The following TRIM50 variants were observed in gnomAD, a reference collection of about 807,000 sequenced individuals.
TRIM50 encodes the protein E3 ubiquitin-protein ligase TRIM50.
Under a neutral mutation model 44.9 loss-of-function variants are expected in TRIM50, and 34 were observed. The ratio of observed to expected loss-of-function variants is 0.76; its 90% CI spans 0.58 to 1.01. The LOEUF is 1.01. Among genes scored for constraint, TRIM50 ranks in the 50% least tolerant of loss-of-function variants. The pLI is 0.00. For synonymous variants in TRIM50, 307 were observed against 291.1 expected (o/e 1.05, Z -0.56); for missense variants, 633 against 663.7 (o/e 0.95, Z 0.51).
At chr7:73,318,157 C>T (rs1431612996) in intron 5 of TRIM50, among the ~76,000 whole-genome samples, 4 of 152,140 alleles carry the variant, frequency 2.6e-5, no homozygotes, top group African/African-American at 4.8e-5. Flanking sequence ...GACAGGGTCT[C>T]GCTCCGTCAC....
At chr7:73,321,563 A>G (rs1178004787) in intron 2 of TRIM50, among the ~76,000 whole-genome samples, 2 of 152,056 alleles carry the variant, frequency 1.3e-5, no homozygotes, top group Non-Finnish European at 2.9e-5. Flanking sequence ...ACATAAATGC[A>G]CTTCTCCTGG....
intron 5 of TRIM50, 116 bp from the exon 6 acceptor site, chr7:73,316,805 C>T: frequency 7.1e-7 from 1 of 1,416,210 alleles, no homozygotes; most frequent in Non-Finnish European, 9.5e-7. Flanking sequence ...AGTCACAATG[C>T]CCATCAATGC....
intron 2 of TRIM50, chr7:73,321,912 G>A (rs1563302960): frequency 6.6e-6 from 1 of 152,192 alleles, no homozygotes; most frequent in Non-Finnish European, 1.5e-5. Context: ...GAGGAACTAA[G>A]TTATGCAAAT....
Position 73,313,670 on chromosome 7 carries a change from C to CTGAATGAA in TRIM50, c.875-168_875-161dup, listed in dbSNP as rs3040866. Among the ~76,000 whole-genome samples, 2,999 of 149,018 alleles carry CTGAATGAA rather than the reference C, an allele frequency of 0.02. 39 individuals are homozygous for CTGAATGAA. Among genetic ancestry groups the CTGAATGAA allele is most frequent in the Admixed American group, 0.042 (629 of 14,948 alleles). The stretch of plus-strand genomic sequence containing the variant: ...GAAGGGGCCAGTACAGGGCTGCTCC[C>CTGAATGAA]TGAATGAATGAATGAATGAATGAAT... On this transcript the variant is annotated intron_variant, in intron 6 of 6. Coordinates refer to ENST00000333149, the MANE Select transcript of TRIM50 (RefSeq NM_178125.3). This position sits in a 1 kb window ranked among gnomAD's most constrained non-coding sequence, Gnocchi z 4.9.
At position 73,313,987 on chromosome 7, in the gene TRIM50, C is replaced by T. The variant is rs1804299059; in HGVS notation, c.875-477G>A. 2 of 239,452 alleles carry T rather than the reference C, an allele frequency of 8.4e-6. No homozygotes were observed. Among genetic ancestry groups the T allele is most frequent in the Admixed American group, 5.2e-5 (1 of 19,062 alleles). The allele number at this position is 239,452 out of a possible 1,614,324, so 14.8% of individuals were successfully genotyped here. On this transcript the variant is annotated intron_variant, in intron 6 of 6. Transcript: ENST00000333149. This position sits in a 1 kb window ranked among gnomAD's most constrained non-coding sequence, Gnocchi z 4.9. ...CTGTTGGATTTGCTAGCCTAGTCAG[C>T]CTATTCAAGGACGAACTAGCCCACC...
At chr7:73,320,088 T>G in intron 3 of TRIM50, 59 bp downstream of exon 3, 2 of 1,613,226 alleles carry the variant, frequency 1.2e-6, no homozygotes, top group Non-Finnish European at 1.7e-6. Flanking sequence ...GAGAACTGAG[T>G]TCTACAGGAA....
At chr7:73,327,429 G>A (rs9791481) in intron 1 of TRIM50, among the ~76,000 whole-genome samples, 12 of 152,192 alleles carry the variant, frequency 7.9e-5, no homozygotes, top group Non-Finnish European at 7.4e-5. Flanking sequence ...GGCGGCTGCA[G>A]TGAGCTGAGA....
chr7:73,318,067 T>C (rs1389608095), intron 5 of TRIM50, among the ~76,000 whole-genome samples: 2 of 152,164 alleles, frequency 1.3e-5, no homozygotes, highest in Non-Finnish European at 2.9e-5. Context: ...CCTGGGTCCT[T>C]CTCAGCCATC....
At position 73,313,708 on chromosome 7, in the gene TRIM50, GAAGT is replaced by G. The variant is rs1286103132; in HGVS notation, c.875-202_875-199del. 6.6e-6 allele frequency among the ~76,000 whole-genome samples: 1 copy of G among 151,708 alleles called. No homozygotes were observed. Among genetic ancestry groups the G allele is most frequent in the Non-Finnish European group, 1.5e-5 (1 of 67,972 alleles). The stretch of plus-strand genomic sequence containing the variant: ...TGAATGAATGAATGAATGAATGAAT[GAAGT>G]TTTACATAAGGAAGATCAATCACAG... On this transcript the variant is annotated intron_variant, in intron 6 of 6. Coordinates refer to ENST00000333149, the MANE Select transcript of TRIM50 (RefSeq NM_178125.3). The surrounding 1 kb of genome is among the most constrained non-coding windows in gnomAD (Gnocchi z 4.9).
chr7:73,314,222 G>T, intron 6 of TRIM50: 2 of 344,138 alleles, frequency 5.8e-6, no homozygotes, highest in Non-Finnish European at 5.4e-6. Flanking sequence ...TAAGACTTTT[G>T]GCACTGGACA....
In TRIM50 at chr7:73,318,698, G is replaced by A. The variant is rs1454458477; in HGVS notation, c.738C>T (p.Ser246=). 2 of 1,613,858 alleles carry A rather than the reference G, an allele frequency of 1.2e-6. No homozygotes were observed. Among genetic ancestry groups the A allele is most frequent in the Admixed American group, 1.7e-5 (1 of 60,002 alleles). ...TCCAAGGTTATTACCTGGAGGCCAT[G>A]GAGTGGAACTTCTGGAAGGCAAGAG... ...DHHKFIRKFH[S]MASRAEMPQA... The change falls in exon 5 of 7, where the codon TCC becomes TCT. Residue 246 remains serine, a synonymous_variant. Transcript: ENST00000333149.
intron 2 of TRIM50, among the ~76,000 whole-genome samples, chr7:73,322,204 C>T (rs1804512467): frequency 6.6e-6 from 1 of 152,134 alleles, no homozygotes; most frequent in African/African-American, 2.4e-5. Context: ...AAAAAATTAG[C>T]CGGGCATGGT....
At chr7:73,317,329 C>T (rs1417860345) in intron 5 of TRIM50, among the ~76,000 whole-genome samples, 3 of 147,544 alleles carry the variant, frequency 2.0e-5, no homozygotes, top group Non-Finnish European at 4.5e-5. Flanking sequence ...GCTGGGATTA[C>T]AGCTATGAGC....
intron 6 of TRIM50, chr7:73,314,124 G>T: frequency 3.1e-6 from 1 of 324,390 alleles, no homozygotes. Flanking sequence ...AAGGAAAGAA[G>T]GCCAAGGGGA....
intron 6 of TRIM50, chr7:73,314,559 C>T (rs144784965): frequency 3.2e-6 from 1 of 310,998 alleles, no homozygotes; most frequent in Admixed American, 4.3e-5. Flanking sequence ...AACAAGAACG[C>T]TCAGCTGGGC....
chr7:73,324,032 G>C (rs148996099), intron 2 of TRIM50, among the ~76,000 whole-genome samples: 11 of 151,672 alleles, frequency 7.3e-5, no homozygotes, highest in Non-Finnish European at 8.8e-5. Context: ...AGAGTGAGAC[G>C]CTGTCTCCAA....
chr7:73,316,732 T>C (rs1554544163), intron 5 of TRIM50, 43 bp from the exon 6 acceptor site: 10 of 1,601,274 alleles, frequency 6.2e-6, no homozygotes, highest in Non-Finnish European at 8.5e-6. Flanking sequence ...AGGTATCACG[T>C]GGCCCACCCC....
Position 73,313,095 on chromosome 7 carries a change from G to A in TRIM50, c.1290C>T (p.Ala430=), listed in dbSNP as rs1390539343. 2.5e-6 allele frequency: 4 copies of A among 1,592,800 alleles called. No individual in the cohort carries two copies. The highest frequency in any genetic ancestry group is 2.3e-5 in the East Asian group (1 of 43,902). ...GCGGCCGCAGGTCATCGGGGCGGTCGGCATCGAAGAAGGTGAGTTCGCCCT... is the reference window on the plus strand; with the variant it reads ...GCGGCCGCAGGTCATCGGGGCGGTCAGCATCGAAGAAGGTGAGTTCGCCCT... ...YEQGELTFFD[A]DRPDDLRPLY... is the part of the protein sequence containing the mutation. The change falls in exon 7 of 7, where the codon GCC becomes GCT. Residue 430 remains alanine, a synonymous_variant. Transcript: ENST00000333149. This position sits in a 1 kb window ranked among gnomAD's most constrained non-coding sequence, Gnocchi z 4.9.
In TRIM50 at chr7:73,324,455, G is replaced by T; in HGVS notation, c.333C>A (p.Cys111Ter). 1 of 1,613,542 alleles carries T rather than the reference G, an allele frequency of 6.2e-7. No individual in the cohort carries two copies. Among genetic ancestry groups the T allele is most frequent in the Non-Finnish European group, 8.5e-7 (1 of 1,180,022 alleles). Residue 111 changes from cysteine to a stop codon, truncating the protein, a stop_gained, in exon 2 of 7, where the codon TGC becomes TGA. Coordinates refer to ENST00000333149, the MANE Select transcript of TRIM50 (RefSeq NM_178125.3). LOFTEE classifies it high-confidence loss of function. Reference sequence around the variant, plus strand: ...GGTGTTGGTGGGAGCCCAGCAGACCGCAGAGGCCACAGATGAGCTCCTGGT... The same window carrying T: ...GGTGTTGGTGGGAGCCCAGCAGACCTCAGAGGCCACAGATGAGCTCCTGGT... ...EKDQELICGL[C>*]GLLGSHQHHP...
Sources: allele counts gnomAD v4.1 joint callset (sites outside exome capture counted in the v4.1 genomes callset), GRCh38; gene constraint gnomAD v4.1.1; non-coding constraint Gnocchi (gnomAD v3.1); transcripts MANE v1.5; gene names NCBI Gene and HGNC (gene_info 2026-07-23, HGNC 2026-07-21).